Variants in FEZ2 observed in about 807,000 individuals in gnomAD.
The protein encoded by FEZ2 is fasciculation and elongation protein zeta-2.
Under a neutral mutation model 40.4 loss-of-function variants are expected in FEZ2, and 51 were observed. The observed-to-expected ratio is 1.26, with a 90% CI of 1.01 to 1.59. FEZ2 has a LOEUF of 1.59. FEZ2 is among the 40% of genes most tolerant of loss of function. The pLI, the probability that FEZ2 is intolerant of heterozygous loss-of-function variation, is 0.00. For synonymous variants in FEZ2, 242 were observed against 172.0 expected (o/e 1.41, Z -3.18); for missense variants, 640 against 438.3 (o/e 1.46, Z -4.11).
In FEZ2 at chr2:36,598,064, T is replaced by G; in HGVS notation, c.79A>C (p.Asn27His). The G allele has an allele frequency of 6.7e-7, 1 of 1,493,920 alleles. No individual in the cohort carries two copies. The highest frequency in any genetic ancestry group is 1.2e-5 in the South Asian group (1 of 80,764). The allele number at this position is 1,493,920 out of a possible 1,614,324, so 92.5% of individuals were successfully genotyped here. ...ARSLLDQENC[N>H]ASPEPGAEAG... ...TCCGCCCCAGGCTCGGGGCTCGCGT[T>G]ACAGTTCTCCTGGTCCAGGAGGCTC... Residue 27 changes from asparagine (N) to histidine (H), a missense_variant, in exon 1 of 8, where the codon AAC (asparagine) becomes CAC (histidine). Transcript: ENST00000405912.
intron 5 of FEZ2, among the ~76,000 whole-genome samples, chr2:36,567,307 AAAG>A (rs1006238746): frequency 1.3e-5 from 2 of 152,194 alleles, no homozygotes; most frequent in African/African-American, 4.8e-5. Context: ...TGAACAGAAT[AAAG>A]ATGACAGGAC....
At chr2:36,581,612 A>G in intron 3 of FEZ2, 181 bp from the exon 4 acceptor site, 1 of 575,500 alleles carries the variant, frequency 1.7e-6, no homozygotes, top group Admixed American at 3.2e-5. Flanking sequence ...AACATGGTTT[A>G]TCAAGAAAAA....
At chr2:36,587,254 CCAAGTCCAT>C in intron 2 of FEZ2, among the ~76,000 whole-genome samples, 1 of 152,258 alleles carries the variant, frequency 6.6e-6, no homozygotes, top group South Asian at 2.1e-4. Context: ...AGAGAGAGAG[CCAAGTCCAT>C]TCCCCACAGA....
intron 2 of FEZ2, among the ~76,000 whole-genome samples, chr2:36,589,228 A>G (rs149632698): frequency 1.3e-5 from 2 of 152,340 alleles, no homozygotes; most frequent in Admixed American, 6.5e-5. Context: ...AAGAGAAGGC[A>G]GTGGTAATTT....
In FEZ2 at chr2:36,563,951, G is replaced by C. The variant is rs140933064; in HGVS notation, c.904-5438C>G. ...ATCCCTTAAATGCCAGTGTTCCCTA[G>C]GATCTTGTGCCTCTTTCTTGACTCA... On this transcript the variant is annotated intron_variant, in intron 5 of 7. Transcript: ENST00000405912. Among the ~76,000 whole-genome samples, 212 of 152,264 alleles carry C rather than the reference G, an allele frequency of 1.4e-3. 1 individual carries two copies. Among genetic ancestry groups the C allele is most frequent in the African/African-American group, 4.9e-3 (202 of 41,538 alleles).
At chr2:36,581,860 A>G (rs1668759587) in intron 3 of FEZ2, among the ~76,000 whole-genome samples, 1 of 152,214 alleles carries the variant, frequency 6.6e-6, no homozygotes, top group Admixed American at 6.5e-5. Flanking sequence ...AAATTCTGAC[A>G]TAAAATTTAT....
rs561306817 is a variant in FEZ2 at position 36,576,556 on chromosome 2, C to T, written c.903+2041G>A. ...AAAGTGCTGGGATTACAGGCGTGAG[C>T]CACCGCGCCCGGCCGCATTTTAGGC... On this transcript the variant is annotated intron_variant, in intron 5 of 7. Transcript: ENST00000405912. Among the ~76,000 whole-genome samples the T allele has an allele frequency of 3.3e-5, 5 of 152,312 alleles. No individual in the cohort carries two copies. In the East Asian group the frequency reaches 9.6e-4, roughly 29 times the overall value.
At chr2:36,595,510 C>G (rs1398199031) in intron 1 of FEZ2, among the ~76,000 whole-genome samples, 2 of 152,146 alleles carry the variant, frequency 1.3e-5, no homozygotes, top group Non-Finnish European at 2.9e-5. Flanking sequence ...GTAATGCAAG[C>G]AATGGGGAGG....
Position 36,597,903 on chromosome 2 carries a change from C to G in FEZ2, c.240G>C (p.Thr80=). 1 of 1,396,756 alleles carries G rather than the reference C, an allele frequency of 7.2e-7. No individual in the cohort carries two copies. Among genetic ancestry groups the G allele is most frequent in the Non-Finnish European group, 9.2e-7 (1 of 1,083,136 alleles). 86.5% of individuals were successfully genotyped at this position (1,396,756 alleles called of 1,614,324 possible). The stretch of plus-strand genomic sequence containing the variant: ...CGTCCCCCTGCAGGAGGCTGCGCTC[C>G]GTGATGGGCCGCACGGCCGTCCTCG... ...EPPRTAVRPI[T]ERSLLQGDEI... is the part of the protein sequence containing the mutation. The change falls in exon 1 of 8, where the codon ACG becomes ACC. Residue 80 remains threonine, a synonymous_variant. Transcript: ENST00000405912.
chr2:36,553,392 T>C (rs1440845373), intron 7 of FEZ2, among the ~76,000 whole-genome samples: 2 of 152,138 alleles, frequency 1.3e-5, no homozygotes, highest in African/African-American at 4.8e-5. Flanking sequence ...AGAAATGAGA[T>C]ACCAAAAGGC....
intron 1 of FEZ2, among the ~76,000 whole-genome samples, chr2:36,592,686 G>A (rs1431745727): frequency 6.6e-6 from 1 of 151,136 alleles, no homozygotes; most frequent in East Asian, 1.9e-4. Flanking sequence ...CCTGTGGCAT[G>A]TGCCGCAGTC....
chr2:36,578,466 C>G (rs1045740457), intron 5 of FEZ2, 131 bp downstream of exon 5: 2 of 978,946 alleles, frequency 2.0e-6, no homozygotes, highest in African/African-American at 3.3e-5. Flanking sequence ...TAAAATCCCA[C>G]TGGGCTCTGA....
chr2:36,555,716 CT>C lies in FEZ2; in HGVS notation c.1011del (p.Val338PhefsTer5). Reference sequence around the variant, plus strand: ...ATATAATCAGTTAACAAGCTCGGAACTTTTTCACTGTCCTCCTTCATGGCAC... The same window carrying C: ...ATATAATCAGTTAACAAGCTCGGAACTTTTCACTGTCCTCCTTCATGGCAC... ...ILRAMKEDSE[K>X]VPSLLTDYIL... On this transcript the variant is annotated frameshift_variant, in exon 7 of 8. Coordinates refer to ENST00000405912, the MANE Select transcript of FEZ2 (RefSeq NM_005102.3). LOFTEE classifies it high-confidence loss of function. 1 of 1,598,162 alleles carries C rather than the reference CT, an allele frequency of 6.3e-7. No homozygotes were observed. Among genetic ancestry groups the C allele is most frequent in the East Asian group, 2.2e-5 (1 of 44,684 alleles).
chr2:36,563,408 T>G (rs1441093638), intron 5 of FEZ2, among the ~76,000 whole-genome samples: 1 of 151,818 alleles, frequency 6.6e-6, no homozygotes, highest in Admixed American at 6.6e-5. Context: ...TGTCCCCAGC[T>G]CTTTCACTGG....
intron 7 of FEZ2, among the ~76,000 whole-genome samples, chr2:36,553,969 A>G (rs1667890166): frequency 6.6e-6 from 1 of 152,096 alleles, no homozygotes; most frequent in Non-Finnish European, 1.5e-5. Context: ...CGACTTCCCC[A>G]CCTTCCCACA....
At chr2:36,591,107 G>C (rs1669059964) in intron 1 of FEZ2, 96 bp from the exon 2 acceptor site, 1 of 760,548 alleles carries the variant, frequency 1.3e-6, no homozygotes, top group Non-Finnish European at 2.3e-6. Context: ...AATGTCAAAG[G>C]AAACAGAGAA....
intron 1 of FEZ2, among the ~76,000 whole-genome samples, chr2:36,597,441 G>A (rs1159934086): frequency 6.6e-6 from 1 of 152,198 alleles, no homozygotes; most frequent in Non-Finnish European, 1.5e-5. Flanking sequence ...TGTGTCCTAA[G>A]TGGGAGGGAC....
chr2:36,570,218 A>T lies in FEZ2; in HGVS notation c.903+8379T>A, dbSNP rs571577182. Among the ~76,000 whole-genome samples the T allele has an allele frequency of 3.2e-4, 49 of 152,018 alleles. No individual in the cohort carries two copies. The South Asian group carries it at 8.7e-3, about 27-fold the overall frequency. On this transcript the variant is annotated intron_variant, in intron 5 of 7. Transcript: ENST00000405912. The stretch of plus-strand genomic sequence containing the variant: ...GTTATAAAAGCAAATTCTACCAAAA[A>T]TTTTTTTAAAAAAACAGATCTAAGT...
In FEZ2 at chr2:36,578,708, A is replaced by C; in HGVS notation, c.792T>G (p.Ile264Met). 1 of 1,613,454 alleles carries C rather than the reference A, an allele frequency of 6.2e-7. No homozygotes were observed. Reference protein sequence around the residue: ...EVKNSFISVLIEVQNKQKEHK... With the variant: ...EVKNSFISVLMEVQNKQKEHK... Reference sequence around the variant, plus strand: ...GCTCTTTCTGTTTGTTTTGCACTTCAATAAGAACAGAAATAAAGCTGTTTT... The same window carrying C: ...GCTCTTTCTGTTTGTTTTGCACTTCCATAAGAACAGAAATAAAGCTGTTTT... The change falls in exon 5 of 8, where the codon ATT becomes ATG. Residue 264 changes from isoleucine to methionine, a missense_variant. By Grantham distance (10) the Ile-to-Met change is conservative. Transcript: ENST00000405912.
Sources: gnomAD v4.1 joint callset for allele counts (sites outside exome capture counted in the v4.1 genomes callset) on GRCh38, gnomAD v4.1.1 for gene constraint, MANE v1.5 for transcripts, NCBI Gene and HGNC (gene_info 2026-07-23, HGNC 2026-07-21) for gene names.